The following GABRB2 variants were observed in gnomAD, a reference collection of about 807,000 sequenced individuals.
GABRB2 encodes gamma-aminobutyric acid receptor subunit beta-2.
In GABRB2, 16 loss-of-function variants were observed where a neutral mutation model predicts 54.7. That is an observed-to-expected ratio of 0.29 (90% confidence interval 0.20 to 0.44). The LOEUF (loss-of-function observed/expected upper bound fraction) is 0.44. GABRB2 is among the 20% of genes least tolerant of loss of function. The pLI, the probability that GABRB2 is intolerant of heterozygous loss-of-function variation, is 1.00. For synonymous variants in GABRB2, 244 were observed against 233.8 expected (o/e 1.04, Z -0.40); for missense variants, 355 against 644.0 (o/e 0.55, Z 4.86).
intron 3 of GABRB2, among the ~76,000 whole-genome samples, chr5:161,503,045 T>G (rs574018281): frequency 1.3e-5 from 2 of 151,582 alleles, no homozygotes; most frequent in South Asian, 4.2e-4. Flanking sequence ...AAGGAACTCC[T>G]AGACTAGAAG....
chr5:161,368,873 A>G (rs1354016842), intron 5 of GABRB2, among the ~76,000 whole-genome samples: 1 of 152,200 alleles, frequency 6.6e-6, no homozygotes, highest in African/African-American at 2.4e-5. Flanking sequence ...TTCTGGATTG[A>G]CAGACTGCTG....
intron 4 of GABRB2, among the ~76,000 whole-genome samples, chr5:161,432,948 TGAG>T (rs5872712): frequency 0.13 from 19,684 of 152,200 alleles, 1,334 homozygotes; most frequent in East Asian, 0.19. Flanking sequence ...TTTATGGGGA[TGAG>T]GAGATCATGT....
At chr5:161,429,433 G>A (rs1395071911) in intron 4 of GABRB2, among the ~76,000 whole-genome samples, 2 of 151,096 alleles carry the variant, frequency 1.3e-5, no homozygotes, top group East Asian at 3.9e-4. Context: ...GAGAAAATGA[G>A]CTAATGAGCT....
intron 4 of GABRB2, among the ~76,000 whole-genome samples, chr5:161,429,073 A>T (rs1356203088): frequency 6.6e-6 from 1 of 151,792 alleles, no homozygotes; most frequent in Non-Finnish European, 1.5e-5. Flanking sequence ...TTGGCCAGGC[A>T]TGGTGGCTCA....
chr5:161,319,155 G>T (rs1261620731), intron 9 of GABRB2, among the ~76,000 whole-genome samples: 1 of 148,812 alleles, frequency 6.7e-6, no homozygotes, highest in Non-Finnish European at 1.5e-5. Context: ...AACAATAGTG[G>T]TGATGGCGGG....
chr5:161,547,161 T>C (rs751348998), upstream of GABRB2: 1 of 140,148 alleles, frequency 7.1e-6, no homozygotes, highest in South Asian at 2.5e-4. Context: ...CTTTATTTCC[T>C]TGGCAAATAG....
intron 9 of GABRB2, among the ~76,000 whole-genome samples, chr5:161,309,860 T>C (rs1479968528): frequency 6.6e-6 from 1 of 152,186 alleles, no homozygotes; most frequent in Non-Finnish European, 1.5e-5. Flanking sequence ...CTCGATCTCC[T>C]GACCTCGTGA....
intron 3 of GABRB2, among the ~76,000 whole-genome samples, chr5:161,509,738 T>G (rs551977674): frequency 2.6e-5 from 4 of 151,912 alleles, no homozygotes; most frequent in Non-Finnish European, 5.9e-5. Flanking sequence ...AGTGGCTCCA[T>G]ACAACCAGCA....
At chr5:161,452,840 A>G (rs1757829179) in intron 4 of GABRB2, among the ~76,000 whole-genome samples, 1 of 152,170 alleles carries the variant, frequency 6.6e-6, no homozygotes, top group African/African-American at 2.4e-5. Context: ...CAAAAATGAT[A>G]CAAGAAATAC....
intron 2 of GABRB2, among the ~76,000 whole-genome samples, chr5:161,546,041 A>G (rs1165047039): frequency 6.6e-6 from 1 of 152,256 alleles, no homozygotes; most frequent in Non-Finnish European, 1.5e-5. Flanking sequence ...TTGTGTCTCA[A>G]CAAAGCAAAG....
chr5:161,494,624 AAAGT>A (rs1261242682), intron 3 of GABRB2, among the ~76,000 whole-genome samples: 1 of 151,660 alleles, frequency 6.6e-6, no homozygotes, highest in Non-Finnish European at 1.5e-5. Flanking sequence ...CAAAGTATAA[AAAGT>A]AAGTTTACTT....
At chr5:161,511,206 G>A (rs776662608) in intron 3 of GABRB2, among the ~76,000 whole-genome samples, 22 of 151,840 alleles carry the variant, frequency 1.4e-4, no homozygotes, top group Non-Finnish European at 1.9e-4. Flanking sequence ...GAGAAGGAGC[G>A]GTTAAAAAGA....
intron 5 of GABRB2, among the ~76,000 whole-genome samples, chr5:161,385,714 G>C (rs1323231884): frequency 6.6e-6 from 1 of 152,180 alleles, no homozygotes; most frequent in Non-Finnish European, 1.5e-5. Context: ...GATCCCTGCT[G>C]TAGTGGTGCT....
intron 3 of GABRB2, among the ~76,000 whole-genome samples, chr5:161,469,769 C>T (rs1298333878): frequency 1.3e-5 from 2 of 151,558 alleles, no homozygotes; most frequent in African/African-American, 4.8e-5. Context: ...ACCCTCTGTA[C>T]TGCAATGGAA....
At chr5:161,462,512 T>G (rs576733583) in intron 3 of GABRB2, among the ~76,000 whole-genome samples, 32 of 152,312 alleles carry the variant, frequency 2.1e-4, no homozygotes, top group Non-Finnish European at 3.5e-4. Context: ...AGGAGAAAGC[T>G]ACTTACACTT....
upstream of GABRB2, chr5:161,547,016 T>G (rs1227820251): frequency 1.0e-5 from 2 of 192,260 alleles, no homozygotes; most frequent in South Asian, 1.9e-4. Flanking sequence ...GGGTTTTTGG[T>G]GTGTGTGTGT....
rs56952727 is a variant in GABRB2, at chr5:161,545,437, T to TAA, written c.170-145_170-144dup. ...TTTTTCAATTCTCTGCTTTTTTTGT[T>TAA]AAAAAAAAAAAAAAAAAAGGTAGCA... is the stretch of plus-strand genomic sequence containing the variant. On this transcript the variant is annotated intron_variant, in intron 2 of 9. Coordinates refer to ENST00000393959, the MANE Select transcript of GABRB2 (RefSeq NM_001371727.1). 14,310 of 322,828 alleles carry TAA rather than the reference T, an allele frequency of 0.044. 227 individuals carry two copies. Among genetic ancestry groups the TAA allele is most frequent in the Non-Finnish European group, 0.049 (8,920 of 181,274 alleles). 20.0% of individuals were successfully genotyped at this position (322,828 alleles called of 1,614,324 possible). A position where few individuals can be genotyped will look rare whatever the true frequency, so the allele number is the denominator to read the frequency against.
intron 3 of GABRB2, among the ~76,000 whole-genome samples, chr5:161,527,400 T>A (rs1437090927): frequency 6.6e-6 from 1 of 151,492 alleles, no homozygotes; most frequent in East Asian, 1.9e-4. Context: ...TGGAATAATA[T>A]CTGAATATTT....
intron 3 of GABRB2, among the ~76,000 whole-genome samples, chr5:161,538,845 A>T (rs868441734): frequency 7.2e-5 from 11 of 151,938 alleles, no homozygotes; most frequent in African/African-American, 2.7e-4. Context: ...AAAAGTAAAC[A>T]CCTAGATAAT....
Sources: gnomAD v4.1 joint callset for allele counts (sites outside exome capture counted in the v4.1 genomes callset) on GRCh38, gnomAD v4.1.1 for gene constraint, MANE v1.5 for transcripts, NCBI Gene and HGNC (gene_info 2026-07-23, HGNC 2026-07-21) for gene names.